Variants in COL28A1 observed in about 807,000 individuals in gnomAD.
COL28A1 encodes collagen alpha-1(XXVIII) chain.
Under a neutral mutation model 150.2 loss-of-function variants are expected in COL28A1, and 161 were observed. The observed-to-expected ratio is 1.07, with a 90% CI of 0.94 to 1.22. The LOEUF (loss-of-function observed/expected upper bound fraction) is 1.22. COL28A1 is among the 50% of genes most tolerant of loss of function. The probability of loss-of-function intolerance (pLI) is 0.00; values close to 1 mark genes in which losing one functional copy is unlikely to be tolerated. For synonymous variants in COL28A1, 552 were observed against 469.7 expected, an observed-to-expected ratio of 1.18 and a Z score of -2.26; for missense variants, 1,617 against 1,388.3, an observed-to-expected ratio of 1.16 and a Z score of -2.62.
At chr7:7,478,765 C>A (rs1439136264) in intron 13 of COL28A1, among the ~76,000 whole-genome samples, 4 of 152,256 alleles carry the variant, frequency 2.6e-5, no homozygotes, top group African/African-American at 4.8e-5. Context: ...ACCCAGTGCA[C>A]CCTCCGCAGC....
chr7:7,342,213 T>G, the COL28A1 span, among the ~76,000 whole-genome samples: 438 of 152,220 alleles, frequency 2.9e-3, 6 homozygotes, highest in African/African-American at 9.9e-3. Flanking sequence ...ATAATGCTCT[T>G]TTGCCTTCGT....
chr7:7,437,570 C>A, intron 21 of COL28A1, 108 bp from the exon 22 acceptor site: 2 of 1,400,066 alleles, frequency 1.4e-6, no homozygotes, highest in Middle Eastern at 1.9e-4. Context: ...TATGTTATGA[C>A]CTCTATCTGT....
intron 33 of COL28A1, among the ~76,000 whole-genome samples, chr7:7,370,024 C>G (rs1401465068): frequency 2.0e-5 from 3 of 152,054 alleles, no homozygotes; most frequent in African/African-American, 7.2e-5. Flanking sequence ...AAAAGGCTCC[C>G]CCATTTTCTC....
At chr7:7,452,096 G>C (rs905362272) in intron 18 of COL28A1, among the ~76,000 whole-genome samples, 6 of 152,198 alleles carry the variant, frequency 3.9e-5, no homozygotes, top group African/African-American at 1.4e-4. Flanking sequence ...CCACCCTAGT[G>C]GAGTATATAT....
intron 11 of COL28A1, 27 bp downstream of exon 11, chr7:7,505,987 C>T (rs1352303429): frequency 7.4e-6 from 8 of 1,082,472 alleles, no homozygotes; most frequent in East Asian, 4.7e-5. Flanking sequence ...GGCACTCTGC[C>T]TGTCTTTAAT....
At chr7:7,412,404 G>C (rs1432027787) in intron 27 of COL28A1, among the ~76,000 whole-genome samples, 1 of 152,044 alleles carries the variant, frequency 6.6e-6, no homozygotes, top group Non-Finnish European at 1.5e-5. Context: ...GTGTCTGTTT[G>C]GTATTGGAGC....
At chr7:7,350,261 A>G in the COL28A1 span, among the ~76,000 whole-genome samples, 1 of 152,076 alleles carries the variant, frequency 6.6e-6, no homozygotes, top group Non-Finnish European at 1.5e-5. Context: ...AGTGAGGGAG[A>G]TGAAAGGTTC....
At chr7:7,389,384 G>C (rs987104413) in intron 27 of COL28A1, among the ~76,000 whole-genome samples, 1 of 152,166 alleles carries the variant, frequency 6.6e-6, no homozygotes, top group Non-Finnish European at 1.5e-5. Flanking sequence ...ATACCATGCT[G>C]TTTGGGTTAC....
intron 9 of COL28A1, among the ~76,000 whole-genome samples, chr7:7,508,249 T>G (rs939514111): frequency 3.3e-5 from 5 of 151,594 alleles, no homozygotes; most frequent in Non-Finnish European, 7.4e-5. Flanking sequence ...AAAAAAAAAT[T>G]TCCTTTTTCC....
At chr7:7,379,726 G>A (rs1264896123) in intron 30 of COL28A1, among the ~76,000 whole-genome samples, 3 of 152,188 alleles carry the variant, frequency 2.0e-5, no homozygotes, top group Non-Finnish European at 2.9e-5. Context: ...AGTAGGGCAG[G>A]TATAAACCTA....
At position 7,511,096 on chromosome 7, in the gene COL28A1, C is replaced by A; in HGVS notation, c.922G>T (p.Asp308Tyr). The change falls in exon 9 of 35, where the codon GAC (aspartate) becomes TAC (tyrosine). Residue 308 changes from aspartate (D) to tyrosine (Y), a missense_variant. Coordinates refer to ENST00000399429, the MANE Select transcript of COL28A1 (RefSeq NM_001037763.3). Reference sequence around the variant, plus strand: ...TTTAAAAACATGTTCCTTACCTTGTCACCTTTTATCCCTGGTTTACCACAT... The same window carrying A: ...TTTAAAAACATGTTCCTTACCTTGTAACCTTTTATCCCTGGTTTACCACAT... ...GECGKPGIKGDKGSPGPYGPK... is the reference protein window; with the variant it reads ...GECGKPGIKGYKGSPGPYGPK... The A allele has an allele frequency of 6.2e-7, 1 of 1,613,236 alleles. No individual in the cohort carries two copies. The highest frequency in any genetic ancestry group is 1.1e-5 in the South Asian group (1 of 91,006).
chr7:7,352,395 T>C (rs373668897), downstream of COL28A1, among the ~76,000 whole-genome samples: 1 of 152,168 alleles, frequency 6.6e-6, no homozygotes, highest in Admixed American at 6.6e-5. Flanking sequence ...CTACCTTACA[T>C]GGCAAAAGGG....
rs1027979050 is a variant in COL28A1, at chr7:7,510,950, G to C, written c.927+141C>G. 7.2e-6 allele frequency: 5 copies of C among 693,834 alleles called. No individual in the cohort carries two copies. The East Asian group carries it at 1.4e-4, about 19-fold the overall frequency. 43.0% of individuals were successfully genotyped at this position (693,834 alleles called of 1,614,324 possible). On this transcript the variant is annotated intron_variant, in intron 9 of 34. Coordinates refer to ENST00000399429, the MANE Select transcript of COL28A1 (RefSeq NM_001037763.3). ...GGCATCACTTTGTTTTCTACCACAT[G>C]TTTTACAGATGTGAAAAATTGAGCC...
intron 11 of COL28A1, among the ~76,000 whole-genome samples, chr7:7,505,622 T>G (rs945833436): frequency 6.6e-6 from 1 of 152,192 alleles, no homozygotes; most frequent in African/African-American, 2.4e-5. Flanking sequence ...AACTGTAAAT[T>G]TCCTTCCCCT....
chr7:7,348,231 A>G, the COL28A1 span, among the ~76,000 whole-genome samples: 1 of 152,070 alleles, frequency 6.6e-6, no homozygotes, highest in African/African-American at 2.4e-5. Flanking sequence ...AAGGACTTGC[A>G]AGTATCATTG....
In COL28A1 at chr7:7,381,597, G is replaced by C; in HGVS notation, c.2152C>G (p.Gln718Glu). Reference protein sequence around the residue: ...SQGIKGEQGPQGFPGPKGTMG... With the variant: ...SQGIKGEQGPEGFPGPKGTMG... ...GTGCCCTTTGGGCCTGGGAAGCCTT[G>C]TGGTCCTTGTTCCCCCTACATAGGA... The change falls in exon 28 of 35, where the codon CAA (glutamine) becomes GAA (glutamate). Residue 718 changes from glutamine to glutamate, a missense_variant. Transcript: ENST00000399429. 6.2e-7 allele frequency: 1 copy of C among 1,613,508 alleles called. No individual in the cohort carries two copies. The highest frequency in any genetic ancestry group is 1.1e-5 in the South Asian group (1 of 91,076).
chr7:7,540,912 T>TGTTTTTGAA, the COL28A1 span, among the ~76,000 whole-genome samples: 50 of 14,336 alleles, frequency 3.5e-3, no homozygotes, highest in Middle Eastern at 0.033. Context: ...CAATAACTGA[T>TGTTTTTGAA]CCCTAATCAA....
intron 26 of COL28A1, among the ~76,000 whole-genome samples, chr7:7,418,463 T>C (rs928304719): frequency 6.6e-6 from 1 of 152,202 alleles, no homozygotes; most frequent in Non-Finnish European, 1.5e-5. Flanking sequence ...CCATGTTTCT[T>C]TGGAAACACT....
At chr7:7,356,509 AGCC>A (rs769930776), downstream of COL28A1, 5 of 152,194 alleles carry the variant, frequency 3.3e-5, no homozygotes, top group African/African-American at 7.2e-5. Flanking sequence ...AATACTATGC[AGCC>A]ATAAAAAATG....
Sources: gnomAD v4.1 joint callset for allele counts (sites outside exome capture counted in the v4.1 genomes callset) on GRCh38, gnomAD v4.1.1 for gene constraint, MANE v1.5 for transcripts, NCBI Gene and HGNC (gene_info 2026-07-23, HGNC 2026-07-21) for gene names.